Variants in TTC29 observed in about 807,000 individuals in gnomAD.
The protein encoded by TTC29 is tetratricopeptide repeat protein 29.
Under a neutral mutation model 58.1 loss-of-function variants are expected in TTC29, and 49 were observed. That is an observed-to-expected ratio of 0.84 (90% confidence interval 0.67 to 1.07). The LOEUF (loss-of-function observed/expected upper bound fraction) is 1.07, where lower values mean the gene tolerates loss of function less well. Ranked by LOEUF, TTC29 falls within the 50% of genes least tolerant of loss-of-function variation. The pLI, the probability that TTC29 is intolerant of heterozygous loss-of-function variation, is 0.00. For missense variants in TTC29, 582 were observed against 555.6 expected (o/e 1.05, Z -0.48); for synonymous variants, 209 against 196.8 (o/e 1.06, Z -0.52).
intron 11 of TTC29, among the ~76,000 whole-genome samples, chr4:146,739,489 T>C (rs2150032133): frequency 6.6e-6 from 1 of 152,322 alleles, no homozygotes; most frequent in East Asian, 1.9e-4. Flanking sequence ...ATTATGATTG[T>C]AAAAATCCTT....
intron 6 of TTC29, among the ~76,000 whole-genome samples, chr4:146,893,823 C>CA (rs1416677359): frequency 6.6e-6 from 1 of 151,858 alleles, no homozygotes; most frequent in Non-Finnish European, 1.5e-5. Context: ...CAAGGAACTC[C>CA]AACAAATTTA....
intron 9 of TTC29, among the ~76,000 whole-genome samples, chr4:146,825,344 C>T (rs535541571): frequency 2.0e-5 from 3 of 152,046 alleles, no homozygotes; most frequent in East Asian, 1.9e-4. Flanking sequence ...AATCTCCATC[C>T]TAATTTCGTT....
chr4:146,892,928 C>A (rs889664379), intron 6 of TTC29, among the ~76,000 whole-genome samples: 11 of 152,098 alleles, frequency 7.2e-5, no homozygotes, highest in Non-Finnish European at 1.3e-4. Flanking sequence ...CTCCCATTCA[C>A]AATTGCTTCA....
intron 6 of TTC29, among the ~76,000 whole-genome samples, chr4:146,895,067 C>T (rs1732676429): frequency 6.6e-6 from 1 of 152,174 alleles, no homozygotes; most frequent in African/African-American, 2.4e-5. Flanking sequence ...TAAGTGAGAA[C>T]ATATGGTATT....
chr4:146,801,066 C>T (rs1750182107), intron 11 of TTC29, among the ~76,000 whole-genome samples: 1 of 151,978 alleles, frequency 6.6e-6, no homozygotes, highest in South Asian at 2.1e-4. Flanking sequence ...GATAATAAAC[C>T]ATGTGGTATG....
chr4:146,767,866 C>G (rs1747444917), intron 11 of TTC29, among the ~76,000 whole-genome samples: 1 of 152,040 alleles, frequency 6.6e-6, no homozygotes, highest in Non-Finnish European at 1.5e-5. Flanking sequence ...CCTTGTCACT[C>G]ATAACTTTGT....
At chr4:146,800,652 G>A (rs1750153902) in intron 11 of TTC29, among the ~76,000 whole-genome samples, 1 of 152,140 alleles carries the variant, frequency 6.6e-6, no homozygotes, top group Non-Finnish European at 1.5e-5. Context: ...TTCCAAGAAG[G>A]GGGGATACTA....
intron 11 of TTC29, among the ~76,000 whole-genome samples, chr4:146,717,931 T>G (rs1203199553): frequency 2.0e-5 from 3 of 152,052 alleles, no homozygotes; most frequent in Non-Finnish European, 4.4e-5. Context: ...CCTTCTGCTC[T>G]CTGCTTCTTT....
At chr4:146,797,407 A>T (rs949764433) in intron 11 of TTC29, among the ~76,000 whole-genome samples, 3 of 152,186 alleles carry the variant, frequency 2.0e-5, no homozygotes, top group African/African-American at 7.2e-5. Context: ...AGTGTGTAGG[A>T]CTGTAACATT....
At chr4:146,776,710 T>A (rs189180078) in intron 11 of TTC29, among the ~76,000 whole-genome samples, 1 of 152,156 alleles carries the variant, frequency 6.6e-6, no homozygotes, top group Non-Finnish European at 1.5e-5. Context: ...AAGCACTTCA[T>A]TGGGGCAGTG....
At chr4:146,863,465 G>A (rs1007949989) in intron 8 of TTC29, among the ~76,000 whole-genome samples, 3 of 152,118 alleles carry the variant, frequency 2.0e-5, no homozygotes, top group Non-Finnish European at 2.9e-5. Flanking sequence ...TTTATAGAAT[G>A]TATTATGTTC....
intron 4 of TTC29, among the ~76,000 whole-genome samples, chr4:146,929,391 C>A (rs1305026247): frequency 6.6e-6 from 1 of 151,580 alleles, no homozygotes; most frequent in Non-Finnish European, 1.5e-5. Context: ...TCACAGTGGC[C>A]AATTATTTTA....
intron 11 of TTC29, among the ~76,000 whole-genome samples, chr4:146,759,017 T>C (rs920029983): frequency 1.3e-5 from 2 of 151,194 alleles, no homozygotes; most frequent in African/African-American, 4.9e-5. Flanking sequence ...GAAATTGAAA[T>C]AAAAAAATAC....
At chr4:146,935,026 A>T (rs1160512596) in intron 4 of TTC29, among the ~76,000 whole-genome samples, 1 of 152,140 alleles carries the variant, frequency 6.6e-6, no homozygotes. Context: ...AGATGTCAAG[A>T]AAAAAGTTTG....
At chr4:146,930,511 A>T (rs1735259445) in intron 4 of TTC29, among the ~76,000 whole-genome samples, 1 of 152,146 alleles carries the variant, frequency 6.6e-6, no homozygotes, top group Non-Finnish European at 1.5e-5. Context: ...TGAGATGGTG[A>T]TGCTGGTTAT....
At chr4:146,891,964 C>T (rs1732396508) in intron 6 of TTC29, among the ~76,000 whole-genome samples, 1 of 152,116 alleles carries the variant, frequency 6.6e-6, no homozygotes, top group African/African-American at 2.4e-5. Flanking sequence ...TAAGTGGATA[C>T]TGTAAGGACT....
chr4:146,735,064 T>C (rs929649803), intron 11 of TTC29, among the ~76,000 whole-genome samples: 31 of 152,202 alleles, frequency 2.0e-4, no homozygotes, highest in African/African-American at 7.2e-4. Flanking sequence ...ATCCATTGGT[T>C]ATTGTTATCT....
intron 6 of TTC29, among the ~76,000 whole-genome samples, chr4:146,893,826 C>G (rs1400641679): frequency 6.6e-6 from 1 of 152,046 alleles, no homozygotes; most frequent in Non-Finnish European, 1.5e-5. Flanking sequence ...GGAACTCCAA[C>G]AAATTTACAA....
intron 11 of TTC29, among the ~76,000 whole-genome samples, chr4:146,773,287 T>A (rs925077744): frequency 6.6e-6 from 1 of 152,160 alleles, no homozygotes; most frequent in Non-Finnish European, 1.5e-5. Flanking sequence ...GGCATCCTTG[T>A]CTTGTTCTGG....
Sources: gnomAD v4.1 joint callset for allele counts (sites outside exome capture counted in the v4.1 genomes callset) on GRCh38, gnomAD v4.1.1 for gene constraint, MANE v1.5 for transcripts, NCBI Gene and HGNC (gene_info 2026-07-23, HGNC 2026-07-21) for gene names.